FBXO42: variants seen among roughly 807,000 people sequenced by gnomAD.
FBXO42 encodes F-box protein 42.
A neutral mutation model predicts 71.7 loss-of-function variants in FBXO42; 12 were observed. The observed-to-expected ratio is 0.17, with a 90% confidence interval of 0.11 to 0.27. FBXO42 has a LOEUF of 0.27. Among genes scored for constraint, FBXO42 ranks in the 10% least tolerant of loss-of-function variants. The probability of loss-of-function intolerance (pLI) is 1.00; values close to 1 mark genes in which losing one functional copy is unlikely to be tolerated. For missense variants in FBXO42, 707 were observed against 911.9 expected (o/e 0.78, Z 2.89); for synonymous variants, 325 against 327.5 (o/e 0.99, Z 0.08).
At chr1:16,324,304 C>T (rs772969602) in intron 1 of FBXO42, among the ~76,000 whole-genome samples, 20 of 152,074 alleles carry the variant, frequency 1.3e-4, no homozygotes, top group Admixed American at 4.6e-4. Context: ...ATGCTTAGAT[C>T]CCACACAGGG....
chr1:16,259,032 AC>A (rs2081680974), intron 4 of FBXO42, among the ~76,000 whole-genome samples: 1 of 152,032 alleles, frequency 6.6e-6, no homozygotes, highest in South Asian at 2.1e-4. Context: ...TACCCACCTC[AC>A]CCAGTCAGAA....
chr1:16,312,441 C>A (rs1303840261), intron 2 of FBXO42, among the ~76,000 whole-genome samples: 1 of 151,990 alleles, frequency 6.6e-6, no homozygotes, highest in East Asian at 1.9e-4. Flanking sequence ...CTGTATGATT[C>A]CAACTATATG....
At chr1:16,300,618 A>G (rs1019009188) in intron 3 of FBXO42, among the ~76,000 whole-genome samples, 6 of 152,324 alleles carry the variant, frequency 3.9e-5, no homozygotes, top group African/African-American at 1.4e-4. Flanking sequence ...TCACACCTAC[A>G]AGCCAGAACA....
intron 1 of FBXO42, among the ~76,000 whole-genome samples, chr1:16,347,585 T>C (rs2082663171): frequency 6.6e-6 from 1 of 152,162 alleles, no homozygotes; most frequent in South Asian, 2.1e-4. Context: ...CAGGGCACTG[T>C]GGCTCACGCC....
At chr1:16,311,518 ATATATATATACATATG>A (rs1360722373) in intron 2 of FBXO42, among the ~76,000 whole-genome samples, 124 of 144,962 alleles carry the variant, frequency 8.6e-4, no homozygotes, top group Admixed American at 1.5e-3. Flanking sequence ...ATATATATAT[ATATATATATACATATG>A]TATATATAAA....
Position 16,251,021 on chromosome 1 carries a change from G to A in FBXO42, c.1803C>T (p.Ile601=), listed in dbSNP as rs750257769. ...QSLSSGETVP[I]PRPGPAQGDG... ...CTCCTTGGGCAGGCCCTGGGCGAGGGATGGGCACTGTTTCTCCACTGCTCA... is the reference window on the plus strand; with the variant it reads ...CTCCTTGGGCAGGCCCTGGGCGAGGAATGGGCACTGTTTCTCCACTGCTCA... Residue 601 remains isoleucine, a synonymous_variant, in exon 10 of 10, where the codon ATC becomes ATT. Coordinates refer to ENST00000375592, the MANE Select transcript of FBXO42 (RefSeq NM_018994.3). This position sits in a 1 kb window ranked among gnomAD's most constrained non-coding sequence, Gnocchi z 4.5. The A allele has an allele frequency of 6.2e-7, 1 of 1,614,210 alleles. No individual in the cohort carries two copies.
Position 16,252,207 on chromosome 1 carries a change from T to G in FBXO42, c.1038+81A>C. ...AGGTGTTTTCTATTTTTGTACAAAT[T>G]TCTTTGTAACCTGACAAAGTAATGT... On this transcript the variant is annotated intron_variant, in intron 9 of 9. Coordinates refer to ENST00000375592, the MANE Select transcript of FBXO42 (RefSeq NM_018994.3). The surrounding 1 kb of genome is among the most constrained non-coding windows in gnomAD (Gnocchi z 4.4). The G allele has an allele frequency of 9.2e-7, 1 of 1,083,648 alleles. No homozygotes were observed. The highest frequency in any genetic ancestry group is 1.4e-6 in the Non-Finnish European group (1 of 715,784). The allele number at this position is 1,083,648 out of a possible 1,614,324, so 67.1% of individuals were successfully genotyped here.
intron 4 of FBXO42, among the ~76,000 whole-genome samples, chr1:16,277,735 A>AAAG (rs1420268015): frequency 6.7e-6 from 1 of 149,324 alleles, no homozygotes; most frequent in African/African-American, 2.5e-5. Flanking sequence ...AAAAAAAAAA[A>AAAG]AAAATTAAAA....
intron 1 of FBXO42, among the ~76,000 whole-genome samples, chr1:16,321,198 T>C (rs533832272): frequency 1.3e-5 from 2 of 152,254 alleles, no homozygotes; most frequent in South Asian, 4.1e-4. Flanking sequence ...TCAAACCCCA[T>C]ACCTTTGAGG....
intron 4 of FBXO42, among the ~76,000 whole-genome samples, chr1:16,265,972 A>G (rs867080123): frequency 1.3e-5 from 2 of 152,146 alleles, no homozygotes; most frequent in Middle Eastern, 3.2e-3. Context: ...TTACATTCTC[A>G]ACAAATAGAA....
chr1:16,252,486 C>T lies in FBXO42; in HGVS notation c.922-82G>A, dbSNP rs1174151156. The T allele has an allele frequency of 3.7e-6, 4 of 1,088,312 alleles. No individual in the cohort carries two copies. The highest frequency in any genetic ancestry group is 5.6e-6 in the Non-Finnish European group (4 of 715,262). The allele number at this position is 1,088,312 out of a possible 1,614,324, so 67.4% of individuals were successfully genotyped here. A position where few individuals can be genotyped will look rare whatever the true frequency, so the allele number is the denominator to read the frequency against. On this transcript the variant is annotated intron_variant, in intron 8 of 9. Transcript: ENST00000375592. This position sits in a 1 kb window ranked among gnomAD's most constrained non-coding sequence, Gnocchi z 4.4. ...CACACACAGAGTTGCAGTCTCAAAG[C>T]TCTCCTGTCTGGTCTTGAAAGGATG...
intron 1 of FBXO42, among the ~76,000 whole-genome samples, chr1:16,334,713 TTC>T (rs2082535605): frequency 6.6e-6 from 1 of 152,130 alleles, no homozygotes. Flanking sequence ...AGTTATCTAG[TTC>T]TCTGTTACTT....
intron 1 of FBXO42, among the ~76,000 whole-genome samples, chr1:16,345,149 C>T (rs1164056839): frequency 5.9e-5 from 9 of 151,832 alleles, no homozygotes; most frequent in African/African-American, 1.7e-4. Context: ...CTGAGCCAGG[C>T]GCGGCAGCTC....
At chr1:16,265,195 C>A (rs1043696782) in intron 4 of FBXO42, among the ~76,000 whole-genome samples, 1 of 152,136 alleles carries the variant, frequency 6.6e-6, no homozygotes, top group African/African-American at 2.4e-5. Flanking sequence ...CCAGTTTCAA[C>A]GGATTCTCCT....
chr1:16,338,581 G>T (rs2082574677), intron 1 of FBXO42, among the ~76,000 whole-genome samples: 1 of 151,826 alleles, frequency 6.6e-6, no homozygotes, highest in Admixed American at 6.6e-5. Context: ...AGATTATTCT[G>T]CAGTCTCCAG....
chr1:16,308,970 T>C (rs1183223864), intron 2 of FBXO42, among the ~76,000 whole-genome samples: 1 of 149,850 alleles, frequency 6.7e-6, no homozygotes, highest in Non-Finnish European at 1.5e-5. Context: ...CTCAAACTCC[T>C]GATCTCAAGT....
rs569081497 is a variant in FBXO42, at chr1:16,263,491, C to T, written c.503-6732G>A. Among the ~76,000 whole-genome samples the T allele has an allele frequency of 1.1e-4, 16 of 151,782 alleles. No homozygotes were observed. The South Asian group carries it at 2.1e-3, about 20-fold the overall frequency. Reference sequence around the variant, plus strand: ...CTTTAAAAGCACACGGCCGGCCAGGCGTGGTGGATCACCTGAGGTCAGAAG... The same window carrying T: ...CTTTAAAAGCACACGGCCGGCCAGGTGTGGTGGATCACCTGAGGTCAGAAG... On this transcript the variant is annotated intron_variant, in intron 4 of 9. Coordinates refer to ENST00000375592, the MANE Select transcript of FBXO42 (RefSeq NM_018994.3).
chr1:16,298,330 C>G (rs2082154266), intron 3 of FBXO42, among the ~76,000 whole-genome samples: 1 of 152,150 alleles, frequency 6.6e-6, no homozygotes, highest in African/African-American at 2.4e-5. Flanking sequence ...TTTTAATCTC[C>G]ACTAAAGGAG....
At chr1:16,288,604 TATAAACC>T (rs2082046324) in intron 4 of FBXO42, among the ~76,000 whole-genome samples, 1 of 152,042 alleles carries the variant, frequency 6.6e-6, no homozygotes, top group East Asian at 1.9e-4. Flanking sequence ...AACGTAGCTG[TATAAACC>T]TGAAACATAA....
Sources: allele counts gnomAD v4.1 joint callset (sites outside exome capture counted in the v4.1 genomes callset), GRCh38; gene constraint gnomAD v4.1.1; non-coding constraint Gnocchi (gnomAD v3.1); transcripts MANE v1.5; gene names NCBI Gene and HGNC (gene_info 2026-07-23, HGNC 2026-07-21).